The following ASAP3 variants were observed in gnomAD, a reference collection of about 807,000 sequenced individuals.
ASAP3 encodes ArfGAP with SH3 domain, ankyrin repeat and PH domain 3.
Under a neutral mutation model 118.2 loss-of-function variants are expected in ASAP3, and 85 were observed. The ratio of observed to expected loss-of-function variants is 0.72; its 90% CI spans 0.60 to 0.86. The LOEUF (loss-of-function observed/expected upper bound fraction) is 0.86, where lower values mean the gene tolerates loss of function less well. Ranked by LOEUF, ASAP3 falls within the 40% of genes least tolerant of loss-of-function variation. ASAP3 has a pLI of 0.00. For missense variants in ASAP3, 1,026 were observed against 1,175.0 expected (o/e 0.87, Z 1.85); for synonymous variants, 432 against 477.4 (o/e 0.90, Z 1.24).
At chr1:23,433,778 A>G in intron 19 of ASAP3, 85 bp from the exon 20 acceptor site, 1 of 1,564,416 alleles carries the variant, frequency 6.4e-7, no homozygotes, top group Admixed American at 1.8e-5. Flanking sequence ...TGGAATCAGA[A>G]TGTATGGGTT....
Position 23,438,917 on chromosome 1 carries a change from A to G in ASAP3, c.1015-83T>C. ...AGGCCTCCATTTCCCACTCTGTTAA[A>G]TGGGCATAATCATCCTGTTCCATTT... On this transcript the variant is annotated intron_variant, in intron 11 of 24. Transcript: ENST00000336689. This position sits in a 1 kb window ranked among gnomAD's most constrained non-coding sequence, Gnocchi z 4.9. The G allele has an allele frequency of 7.2e-7, 1 of 1,381,686 alleles. No individual in the cohort carries two copies. The allele number at this position is 1,381,686 out of a possible 1,614,324, so 85.6% of individuals were successfully genotyped here.
rs886101473 is a variant in ASAP3 at position 23,438,994 on chromosome 1, C to A, written c.1015-160G>T. On this transcript the variant is annotated intron_variant, in intron 11 of 24. Transcript: ENST00000336689. This position sits in a 1 kb window ranked among gnomAD's most constrained non-coding sequence, Gnocchi z 4.9. ...CAAGGATGTGAAGTGTAGACTAAGA[C>A]TAGATTGGGGCCTTCAGGTCCCATC... The A allele has an allele frequency of 1.8e-6, 2 of 1,083,416 alleles. No individual in the cohort carries two copies. Among genetic ancestry groups the A allele is most frequent in the East Asian group, 2.5e-5 (1 of 39,378 alleles). 67.1% of individuals were successfully genotyped at this position (1,083,416 alleles called of 1,614,324 possible).
rs149730721 is a variant in ASAP3 at position 23,442,586 on chromosome 1, C to A, written c.500G>T (p.Arg167Leu). The A allele has an allele frequency of 1.9e-6, 3 of 1,614,094 alleles. No homozygotes were observed. Among genetic ancestry groups the A allele is most frequent in the Non-Finnish European group, 8.5e-7 (1 of 1,180,014 alleles). Residue 167 changes from arginine to leucine, a missense_variant, in exon 6 of 25, where the codon CGG (arginine) becomes CTG (leucine). Arg to Leu is a moderately radical substitution (Grantham distance 102). Coordinates refer to ENST00000336689, the MANE Select transcript of ASAP3 (RefSeq NM_017707.4). ...AGGGATCCCTCCTGTCACCCTGGCCCGATCGCGCTCCTTCTCCAGCTTGGC... is the reference window on the plus strand; with the variant it reads ...AGGGATCCCTCCTGTCACCCTGGCCAGATCGCGCTCCTTCTCCAGCTTGGC... ...KMAKLEKERDRARVTGGIPGE... is the reference protein window; with the variant it reads ...KMAKLEKERDLARVTGGIPGE...
At chr1:23,483,325 G>A (rs914072831) in intron 1 of ASAP3, among the ~76,000 whole-genome samples, 1 of 152,230 alleles carries the variant, frequency 6.6e-6, no homozygotes, top group Non-Finnish European at 1.5e-5. Flanking sequence ...GCTGCGGAAA[G>A]CTGCAGCAGG....
chr1:23,475,184 A>G (rs1375744173), intron 1 of ASAP3, among the ~76,000 whole-genome samples: 1 of 152,176 alleles, frequency 6.6e-6, no homozygotes, highest in Admixed American at 6.5e-5. Context: ...AGAAGCCCTC[A>G]CTACAGACTT....
At chr1:23,444,234 G>A (rs998463544) in intron 5 of ASAP3, among the ~76,000 whole-genome samples, 3 of 152,178 alleles carry the variant, frequency 2.0e-5, no homozygotes, top group Non-Finnish European at 2.9e-5. Context: ...AGTAACTGGG[G>A]CCTTCCCCCT....
chr1:23,434,469 G>A, intron 18 of ASAP3, 64 bp downstream of exon 18: 1 of 1,603,652 alleles, frequency 6.2e-7, no homozygotes, highest in South Asian at 1.1e-5. Context: ...GAAGAGAATG[G>A]GAGAAGAGGA....
At chr1:23,460,973 T>C (rs1641567939) in intron 1 of ASAP3, among the ~76,000 whole-genome samples, 1 of 152,226 alleles carries the variant, frequency 6.6e-6, no homozygotes, top group African/African-American at 2.4e-5. Flanking sequence ...AAAAGGCTAC[T>C]ACATGATTTC....
At chr1:23,470,127 G>A (rs774923571) in intron 1 of ASAP3, among the ~76,000 whole-genome samples, 11 of 152,192 alleles carry the variant, frequency 7.2e-5, no homozygotes, top group Middle Eastern at 6.8e-3. Flanking sequence ...GTGTGCCTCT[G>A]AGCGAGTTCC....
intron 1 of ASAP3, among the ~76,000 whole-genome samples, chr1:23,467,425 C>A (rs980559760): frequency 2.0e-5 from 3 of 152,126 alleles, no homozygotes; most frequent in Non-Finnish European, 4.4e-5. Context: ...GGATTTGGTT[C>A]ATCATTCTGT....
At chr1:23,446,013 ACATG>A (rs940040603) in intron 5 of ASAP3, among the ~76,000 whole-genome samples, 1 of 152,052 alleles carries the variant, frequency 6.6e-6, no homozygotes, top group African/African-American at 2.4e-5. Flanking sequence ...GAATATCTGT[ACATG>A]TGATTGGCCC....
intron 1 of ASAP3, among the ~76,000 whole-genome samples, chr1:23,471,510 T>C (rs904458810): frequency 3.9e-5 from 6 of 152,170 alleles, no homozygotes; most frequent in African/African-American, 1.2e-4. Flanking sequence ...ATGTGTGGAA[T>C]GAATGAATGA....
chr1:23,436,589 GC>G lies in ASAP3; in HGVS notation c.1541del (p.Gly514AlafsTer129). 1 of 1,614,220 alleles carries G rather than the reference GC, an allele frequency of 6.2e-7. No individual in the cohort carries two copies. The highest frequency in any genetic ancestry group is 8.5e-7 in the Non-Finnish European group (1 of 1,180,034). ...CACTCTCAGCTGAGGGTTTAGGGCCGCCGTGTGAGGGTAGCTGGGCCTCCAT... is the reference window on the plus strand; with the variant it reads ...CACTCTCAGCTGAGGGTTTAGGGCCGCGTGTGAGGGTAGCTGGGCCTCCAT... ...EVMEAQLPSH[G>X]GPKPSAESDM... is the part of the protein sequence containing the mutation. On this transcript the variant is annotated frameshift_variant, in exon 16 of 25. Coordinates refer to ENST00000336689, the MANE Select transcript of ASAP3 (RefSeq NM_017707.4). LOFTEE classifies it high-confidence loss of function. This position sits in a 1 kb window ranked among gnomAD's most constrained non-coding sequence, Gnocchi z 4.2.
rs765772800 is a variant in ASAP3, at chr1:23,436,863, A to AC, written c.1476+47dup. 3 of 1,582,960 alleles carry AC rather than the reference A, an allele frequency of 1.9e-6. No individual in the cohort carries two copies. The highest frequency in any genetic ancestry group is 1.4e-5 in the African/African-American group (1 of 71,888). On this transcript the variant is annotated intron_variant, in intron 15 of 24. Coordinates refer to ENST00000336689, the MANE Select transcript of ASAP3 (RefSeq NM_017707.4). This position sits in a 1 kb window ranked among gnomAD's most constrained non-coding sequence, Gnocchi z 4.2. Reference sequence around the variant, plus strand: ...AAGCCCCGCCCCCGGATGAAACTACACCCCTAACTCCGCTTCTGGCCCCTT... The same window carrying AC: ...AAGCCCCGCCCCCGGATGAAACTACACCCCCTAACTCCGCTTCTGGCCCCTT...
At chr1:23,470,268 C>A (rs1199401772) in intron 1 of ASAP3, among the ~76,000 whole-genome samples, 1 of 152,232 alleles carries the variant, frequency 6.6e-6, no homozygotes, top group African/African-American at 2.4e-5. Flanking sequence ...GCTGCTCCAA[C>A]CTCAGCCACC....
rs2148609027 is a variant in ASAP3 at position 23,436,702 on chromosome 1, T to G, written c.1477-48A>C. 1 of 1,606,846 alleles carries G rather than the reference T, an allele frequency of 6.2e-7. No individual in the cohort carries two copies. The highest frequency in any genetic ancestry group is 8.5e-7 in the Non-Finnish European group (1 of 1,173,508). ...GTGGGGCGGAGTAAGACCGGGCGGT[T>G]AAGCCTGCATAGGGTGGAGCTCCAA... On this transcript the variant is annotated intron_variant, in intron 15 of 24. Transcript: ENST00000336689. This position sits in a 1 kb window ranked among gnomAD's most constrained non-coding sequence, Gnocchi z 4.2.
At chr1:23,459,402 C>G (rs756564850) in intron 1 of ASAP3, among the ~76,000 whole-genome samples, 2 of 152,118 alleles carry the variant, frequency 1.3e-5, no homozygotes, top group Non-Finnish European at 2.9e-5. Flanking sequence ...AAACTGCCCT[C>G]CCTTCCTCTG....
At chr1:23,461,664 C>A (rs191785110) in intron 1 of ASAP3, among the ~76,000 whole-genome samples, 1 of 149,478 alleles carries the variant, frequency 6.7e-6, no homozygotes, top group Admixed American at 6.7e-5. Context: ...CTGTCTCAAA[C>A]GCACCCCCCC....
In ASAP3 at chr1:23,456,210, G is replaced by C. The variant is rs190064768; in HGVS notation, c.130-16C>G. ...CTTCCAAGATCTGGAAGCAAATGTG[G>C]ACAGAGGTTCAGGGATGCCAAGCTG... is the stretch of plus-strand genomic sequence containing the variant. On this transcript the variant is annotated splice_polypyrimidine_tract_variant and intron_variant, in intron 1 of 24. Transcript: ENST00000336689. The C allele has an allele frequency of 2.1e-4, 340 of 1,613,260 alleles. No individual in the cohort carries two copies. Among genetic ancestry groups the C allele is most frequent in the Non-Finnish European group, 2.4e-4 (285 of 1,179,418 alleles).
Sources: allele counts gnomAD v4.1 joint callset (sites outside exome capture counted in the v4.1 genomes callset), GRCh38; gene constraint gnomAD v4.1.1; non-coding constraint Gnocchi (gnomAD v3.1); transcripts MANE v1.5; gene names NCBI Gene and HGNC (gene_info 2026-07-23, HGNC 2026-07-21).